The following PTPRZ1 variants were observed in gnomAD, a reference collection of about 807,000 sequenced individuals.
The protein encoded by PTPRZ1 is receptor-type tyrosine-protein phosphatase zeta.
A neutral mutation model predicts 214.1 loss-of-function variants in PTPRZ1; 82 were observed. The observed-to-expected ratio is 0.38, with a 90% CI of 0.32 to 0.46. The LOEUF (loss-of-function observed/expected upper bound fraction) is 0.46, where lower values mean the gene tolerates loss of function less well. Ranked by LOEUF, PTPRZ1 falls within the 20% of genes least tolerant of loss-of-function variation. The pLI, the probability that PTPRZ1 is intolerant of heterozygous loss-of-function variation, is 1.00. For synonymous variants in PTPRZ1, 945 were observed against 987.9 expected (o/e 0.96, Z 0.81); for missense variants, 2,603 against 2,748.7 (o/e 0.95, Z 1.19).
chr7:121,967,775 C>T (rs1018216109), intron 2 of PTPRZ1, among the ~76,000 whole-genome samples, 176 bp from the exon 3 acceptor site: 2 of 151,988 alleles, frequency 1.3e-5, no homozygotes, highest in African/African-American at 2.4e-5. Flanking sequence ...TGTAGTGTTT[C>T]GTATTGAAAT....
chr7:121,880,761 A>G (rs780139088), intron 1 of PTPRZ1, among the ~76,000 whole-genome samples: 1 of 152,072 alleles, frequency 6.6e-6, no homozygotes, highest in Non-Finnish European at 1.5e-5. Context: ...AATTATTTCT[A>G]TTATTAAATT....
intron 2 of PTPRZ1, among the ~76,000 whole-genome samples, chr7:121,948,760 AT>A (rs34313086): frequency 4.0e-4 from 58 of 144,502 alleles, no homozygotes; most frequent in Admixed American, 7.6e-4. Flanking sequence ...CATACAATCC[AT>A]TTTTTTTTTT....
In PTPRZ1 at chr7:122,012,269, T is replaced by C; in HGVS notation, c.3223T>C (p.Tyr1075His). ...PSESTVMPNM[Y>H]DNVNKLNASL... ...TGAAAGCACAGTCATGCCCAACATG[T>C]ATGATAATGTAAATAAGTTGAATGC... The change falls in exon 12 of 30, where the codon TAT (tyrosine) becomes CAT (histidine). Residue 1075 changes from tyrosine to histidine, a missense_variant. Around this residue, in one of 6 missense-constraint regions of PTPRZ1, gnomAD observed 1,913 missense variants for 1,914.3 expected, o/e 1.00. Transcript: ENST00000393386. 6.2e-7 allele frequency: 1 copy of C among 1,614,166 alleles called. No individual in the cohort carries two copies. The highest frequency in any genetic ancestry group is 8.5e-7 in the Non-Finnish European group (1 of 1,180,012).
At chr7:121,920,277 C>T (rs1795554171) in intron 1 of PTPRZ1, among the ~76,000 whole-genome samples, 1 of 152,060 alleles carries the variant, frequency 6.6e-6, no homozygotes. Context: ...CATAAGATTT[C>T]AAAACAGCAA....
intron 2 of PTPRZ1, among the ~76,000 whole-genome samples, chr7:121,963,942 C>T (rs1796960093): frequency 6.7e-6 from 1 of 150,232 alleles, no homozygotes; most frequent in African/African-American, 2.5e-5. Context: ...GTTGTCCTAA[C>T]CTCGTGTAGT....
Position 122,011,451 on chromosome 7 carries a change from G to A in PTPRZ1, c.2405G>A (p.Ser802Asn). 6.2e-7 allele frequency: 1 copy of A among 1,614,096 alleles called. No individual in the cohort carries two copies. The highest frequency in any genetic ancestry group is 8.5e-7 in the Non-Finnish European group (1 of 1,180,004). The change falls in exon 12 of 30, where the codon AGT becomes AAT. Residue 802 changes from serine (S) to asparagine (N), a missense_variant. Physicochemically the swap from Ser to Asn is conservative, Grantham distance 46. This residue lies in a region of PTPRZ1 where 1,913 missense variants were observed against 1,914.3 expected (regional missense o/e 1.00). Transcript: ENST00000393386. Reference protein sequence around the residue: ...SALHATPVFPSVDVSFESILS... With the variant: ...SALHATPVFPNVDVSFESILS... ...TTGCATGCTACGCCTGTATTTCCCA[G>A]TGTCGATGTGTCATTTGAATCCATC...
intron 3 of PTPRZ1, among the ~76,000 whole-genome samples, chr7:121,971,435 T>TG (rs35923611): frequency 6.6e-6 from 1 of 152,092 alleles, no homozygotes; most frequent in Non-Finnish European, 1.5e-5. Flanking sequence ...GCTATTTTTA[T>TG]GGGGAGTGTT....
intron 2 of PTPRZ1, among the ~76,000 whole-genome samples, chr7:121,949,226 C>A (rs1169035179): frequency 1.3e-5 from 2 of 152,110 alleles, no homozygotes; most frequent in Non-Finnish European, 2.9e-5. Flanking sequence ...TTATTAGCCT[C>A]CCCAAAGGAG....
chr7:121,899,562 A>T (rs781349340), intron 1 of PTPRZ1, among the ~76,000 whole-genome samples: 7 of 152,166 alleles, frequency 4.6e-5, no homozygotes, highest in Admixed American at 6.5e-5. Context: ...CTTTCAGGCT[A>T]TCTCTCTCCT....
intron 2 of PTPRZ1, among the ~76,000 whole-genome samples, chr7:121,930,121 A>G (rs901875234): frequency 5.9e-5 from 9 of 152,166 alleles, no homozygotes; most frequent in Non-Finnish European, 1.0e-4. Context: ...AACCTGGAAA[A>G]CAATCAAGAT....
At chr7:122,055,187 T>C (rs2150492475) in intron 27 of PTPRZ1, 100 bp downstream of exon 27, 3 of 1,031,386 alleles carry the variant, frequency 2.9e-6, no homozygotes, top group Admixed American at 3.1e-5. Flanking sequence ...ATGATTCTGA[T>C]TTTTTCCCCA....
chr7:121,994,496 G>A lies in PTPRZ1; in HGVS notation c.929-1886G>A, dbSNP rs1227143426. Reference sequence around the variant, plus strand: ...TTTTTAGTAGAGACAGGGTTTCACCGTGTTAGCCAAAATTAATGCATTTCC... The same window carrying A: ...TTTTTAGTAGAGACAGGGTTTCACCATGTTAGCCAAAATTAATGCATTTCC... On this transcript the variant is annotated intron_variant, in intron 8 of 29. Transcript: ENST00000393386. Among the ~76,000 whole-genome samples the A allele has an allele frequency of 4.6e-5, 7 of 151,814 alleles. No homozygotes were observed. In the Middle Eastern group the frequency reaches 0.014, roughly 295 times the overall value.
At chr7:122,017,923 C>A (rs926553934) in intron 12 of PTPRZ1, among the ~76,000 whole-genome samples, 26 of 152,098 alleles carry the variant, frequency 1.7e-4, no homozygotes, top group Admixed American at 1.4e-3. Context: ...TCTGCTATCA[C>A]CCTTGATCAA....
chr7:122,048,791 T>C (rs1792080031), intron 23 of PTPRZ1, among the ~76,000 whole-genome samples: 1 of 152,118 alleles, frequency 6.6e-6, no homozygotes, highest in African/African-American at 2.4e-5. Context: ...AATAATTTAA[T>C]GTCACATTTT....
At chr7:121,977,439 G>A (rs2116546684) in intron 6 of PTPRZ1, among the ~76,000 whole-genome samples, 1 of 152,294 alleles carries the variant, frequency 6.6e-6, no homozygotes, top group Admixed American at 6.5e-5. Context: ...ATGGGCAGAG[G>A]AGTGTAAGCC....
Position 121,927,158 on chromosome 7 carries a change from CAG to C in PTPRZ1, c.59-995_59-994del, listed in dbSNP as rs1795789984. Among the ~76,000 whole-genome samples, 3 of 152,238 alleles carry C rather than the reference CAG, an allele frequency of 2.0e-5. No individual in the cohort carries two copies. The South Asian group carries it at 6.2e-4, about 32-fold the overall frequency. On this transcript the variant is annotated intron_variant, in intron 1 of 29. Transcript: ENST00000393386. ...AAGAAGTAATTTCATACTATATAAA[CAG>C]AGTGCCAATGTATGAATGAATAATG...
At chr7:122,029,095 G>A (rs1380469781) in intron 14 of PTPRZ1, among the ~76,000 whole-genome samples, 1 of 129,950 alleles carries the variant, frequency 7.7e-6, no homozygotes, top group African/African-American at 3.3e-5. Context: ...GTGAGAAAAG[G>A]GTTTTTTTTT....
intron 13 of PTPRZ1, 144 bp from the exon 14 acceptor site, chr7:122,028,408 A>G: frequency 1.9e-6 from 1 of 537,888 alleles, no homozygotes; most frequent in South Asian, 2.8e-5. Flanking sequence ...GTTAAAATGG[A>G]TGTAGATCCA....
chr7:122,043,147 ACT>A (rs1300719075), intron 22 of PTPRZ1, among the ~76,000 whole-genome samples: 3 of 152,116 alleles, frequency 2.0e-5, no homozygotes, highest in African/African-American at 4.8e-5. Flanking sequence ...ATAAAATCAC[ACT>A]CTGAGTTATC....
Sources: allele counts gnomAD v4.1 joint callset (sites outside exome capture counted in the v4.1 genomes callset), GRCh38; gene constraint gnomAD v4.1.1; regional missense constraint gnomAD v4.1.1; transcripts MANE v1.5; gene names NCBI Gene and HGNC (gene_info 2026-07-23, HGNC 2026-07-21).